RGS6: variants seen among roughly 807,000 people sequenced by gnomAD.
RGS6 encodes regulator of G-protein signaling 6.
Under a neutral mutation model 78.5 loss-of-function variants are expected in RGS6, and 30 were observed. The ratio of observed to expected loss-of-function variants is 0.38; its 90% confidence interval spans 0.29 to 0.52. RGS6 has a LOEUF of 0.52. RGS6 is among the 20% of genes least tolerant of loss of function. The pLI is 0.85. For synonymous variants in RGS6, 206 were observed against 206.0 expected (o/e 1.00, Z 0.00); for missense variants, 495 against 609.7 (o/e 0.81, Z 1.98).
chr14:72,314,495 G>C (rs548838095), intron 2 of RGS6, among the ~76,000 whole-genome samples: 3 of 152,304 alleles, frequency 2.0e-5, no homozygotes, highest in African/African-American at 7.2e-5. Flanking sequence ...TCTAGCTATA[G>C]AAATGGCGGA....
chr14:72,283,595 A>T (rs898570573), intron 2 of RGS6, among the ~76,000 whole-genome samples: 1 of 151,944 alleles, frequency 6.6e-6, no homozygotes, highest in Non-Finnish European at 1.5e-5. Context: ...TTCCACCATG[A>T]TTGTGAGGCA....
chr14:72,334,957 T>C (rs1381801644), intron 2 of RGS6, among the ~76,000 whole-genome samples: 3 of 152,140 alleles, frequency 2.0e-5, no homozygotes, highest in African/African-American at 7.2e-5. Flanking sequence ...TCATCTTGAA[T>C]TGTACCTCCT....
At chr14:72,312,148 G>A (rs1000931440) in intron 2 of RGS6, among the ~76,000 whole-genome samples, 1 of 152,084 alleles carries the variant, frequency 6.6e-6, no homozygotes, top group East Asian at 1.9e-4. Flanking sequence ...AGTTTCTGCA[G>A]GGGAATGTGT....
At chr14:72,479,097 T>C (rs1289329704) in intron 12 of RGS6, among the ~76,000 whole-genome samples, 2 of 152,192 alleles carry the variant, frequency 1.3e-5, no homozygotes, top group Non-Finnish European at 2.9e-5. Flanking sequence ...TTGGTATTTA[T>C]TGGATGTCAG....
chr14:72,611,027 C>T, the RGS6 span, among the ~76,000 whole-genome samples: 1 of 152,220 alleles, frequency 6.6e-6, no homozygotes, highest in Admixed American at 6.5e-5. Context: ...AGCCTTGTGT[C>T]CCTGACTACC....
chr14:72,414,787 G>A (rs1407064535), intron 3 of RGS6, among the ~76,000 whole-genome samples: 6 of 152,228 alleles, frequency 3.9e-5, no homozygotes, highest in Non-Finnish European at 8.8e-5. Context: ...ACCCTCAGCT[G>A]CAGGTCTGTT....
intron 3 of RGS6, among the ~76,000 whole-genome samples, chr14:72,410,571 A>G (rs984970253): frequency 3.4e-3 from 515 of 152,276 alleles, no homozygotes; most frequent in African/African-American, 6.5e-3. Flanking sequence ...TCTTTAGTTT[A>G]ATTAGATCCC....
chr14:72,400,108 GA>G (rs1410221561), intron 3 of RGS6, among the ~76,000 whole-genome samples: 1 of 152,174 alleles, frequency 6.6e-6, no homozygotes, highest in African/African-American at 2.4e-5. Context: ...AAGTTGAAAT[GA>G]AGGAAAAAAT....
the RGS6 span, among the ~76,000 whole-genome samples, chr14:71,909,201 C>T: frequency 6.6e-6 from 1 of 152,158 alleles, no homozygotes; most frequent in African/African-American, 2.4e-5. Context: ...GCGTGTTCCT[C>T]CTTCTGTTTT....
downstream of RGS6, among the ~76,000 whole-genome samples, chr14:72,569,215 G>C (rs2097717473): frequency 1.3e-5 from 2 of 151,964 alleles, no homozygotes; most frequent in South Asian, 4.2e-4. Flanking sequence ...ATTGTTATCA[G>C]TTTTGACAAA....
At chr14:72,431,064 G>A (rs1364059070) in intron 3 of RGS6, among the ~76,000 whole-genome samples, 1 of 152,148 alleles carries the variant, frequency 6.6e-6, no homozygotes, top group Non-Finnish European at 1.5e-5. Flanking sequence ...CATCACACAT[G>A]CAGCAAACAT....
chr14:72,336,521 G>A (rs1468714235), intron 2 of RGS6, among the ~76,000 whole-genome samples: 1 of 152,016 alleles, frequency 6.6e-6, no homozygotes, highest in Non-Finnish European at 1.5e-5. Flanking sequence ...CTGAGAGAGA[G>A]AGAGAGAGAG....
intron 3 of RGS6, among the ~76,000 whole-genome samples, chr14:72,426,116 G>A (rs932665358): frequency 7.9e-5 from 12 of 151,886 alleles, no homozygotes; most frequent in Admixed American, 5.9e-4. Flanking sequence ...TTTTTGTTGC[G>A]AACGTATGTT....
Position 72,556,713 on chromosome 14 carries a change from GA to G in RGS6, c.1423-5695del, listed in dbSNP as rs11393975. On this transcript the variant is annotated intron_variant, in intron 17 of 17. Coordinates refer to ENST00000553525, the MANE Select transcript of RGS6 (RefSeq NM_001204424.2). ...GGCGGGGTGGGGGGTGCTGTTGCAA[GA>G]AAAAAAAATCCATTACGTTTATTTT... Among the ~76,000 whole-genome samples, 11 of 143,846 alleles carry G rather than the reference GA, an allele frequency of 7.6e-5. No individual in the cohort carries two copies. In the East Asian group the frequency reaches 1.8e-3, roughly 24 times the overall value. The allele number at this position is 143,846 out of a possible 152,430, so 94.4% of individuals were successfully genotyped here. A position where few individuals can be genotyped will look rare whatever the true frequency, so the allele number is the denominator to read the frequency against.
intron 2 of RGS6, among the ~76,000 whole-genome samples, chr14:72,281,856 C>G (rs765188621): frequency 1.3e-5 from 2 of 152,136 alleles, no homozygotes; most frequent in African/African-American, 4.8e-5. Flanking sequence ...GAGCTAGATC[C>G]TGCAAGTCCT....
intron 10 of RGS6, among the ~76,000 whole-genome samples, chr14:72,476,013 G>A (rs1243695550): frequency 6.6e-6 from 1 of 152,116 alleles, no homozygotes; most frequent in Non-Finnish European, 1.5e-5. Flanking sequence ...AGAATTTCAT[G>A]GAGTCACATC....
the RGS6 span, among the ~76,000 whole-genome samples, chr14:72,596,498 C>T: frequency 6.6e-6 from 1 of 152,134 alleles, no homozygotes; most frequent in African/African-American, 2.4e-5. Context: ...TTTGAGGGGC[C>T]ATGACTACAG....
chr14:72,526,173 G>C (rs2097114742), intron 15 of RGS6, among the ~76,000 whole-genome samples: 1 of 150,784 alleles, frequency 6.6e-6, no homozygotes, highest in African/African-American at 2.4e-5. Context: ...GCACAATCTC[G>C]GCTCACTGCA....
At chr14:72,288,970 A>C (rs2063086363) in intron 2 of RGS6, among the ~76,000 whole-genome samples, 1 of 152,170 alleles carries the variant, frequency 6.6e-6, no homozygotes, top group Admixed American at 6.6e-5. Flanking sequence ...GAGTCCTTGA[A>C]ATGGCATAGA....
Sources: allele counts gnomAD v4.1 joint callset (sites outside exome capture counted in the v4.1 genomes callset), GRCh38; gene constraint gnomAD v4.1.1; transcripts MANE v1.5; gene names NCBI Gene and HGNC (gene_info 2026-07-23, HGNC 2026-07-21).